The following SORBS2 variants were observed in gnomAD, a reference collection of about 807,000 sequenced individuals.
SORBS2 encodes sorbin and SH3 domain-containing protein 2.
SORBS2 carries 46 observed loss-of-function variants against 97.7 expected under a neutral mutation model. The observed-to-expected ratio is 0.47, with a 90% CI of 0.37 to 0.60. The LOEUF is 0.60. SORBS2 is among the 20% of genes least tolerant of loss of function. SORBS2 has a pLI of 0.00. For synonymous variants in SORBS2, 476 were observed against 473.4 expected (o/e 1.01, Z -0.07); for missense variants, 1,316 against 1,282.3 (o/e 1.03, Z -0.40).
At chr4:185,740,958 A>C (rs2153584736) in intron 2 of SORBS2, among the ~76,000 whole-genome samples, 1 of 151,908 alleles carries the variant, frequency 6.6e-6, no homozygotes, top group East Asian at 1.9e-4. Context: ...GCCCAGCACC[A>C]ACTCAGATCA....
chr4:185,850,641 T>C (rs2099217327), intron 1 of SORBS2, among the ~76,000 whole-genome samples: 1 of 152,216 alleles, frequency 6.6e-6, no homozygotes, highest in Non-Finnish European at 1.5e-5. Context: ...GAAGTGTGTA[T>C]ATCATATGTT....
intron 1 of SORBS2, among the ~76,000 whole-genome samples, chr4:185,846,655 A>T (rs866712823): frequency 2.0e-5 from 3 of 152,244 alleles, no homozygotes; most frequent in Non-Finnish European, 4.4e-5. Flanking sequence ...GTAAAGCCTG[A>T]AGCGAGACTG....
chr4:185,721,724 G>A (rs952687817), intron 2 of SORBS2, among the ~76,000 whole-genome samples: 3 of 152,180 alleles, frequency 2.0e-5, no homozygotes, highest in African/African-American at 7.2e-5. Context: ...AGTGGCTTAT[G>A]TTTTGCACGC....
intron 4 of SORBS2, 65 bp from the exon 14 acceptor site, chr4:185,639,100 C>T (rs2097083255): frequency 7.1e-7 from 1 of 1,401,640 alleles, no homozygotes; most frequent in South Asian, 1.4e-5. Flanking sequence ...ACCGCGAGGA[C>T]ACCCTGGCAG....
upstream of SORBS2, chr4:185,661,954 A>G (rs1484666717): frequency 6.5e-6 from 5 of 770,166 alleles, no homozygotes; most frequent in Non-Finnish European, 1.0e-5. Context: ...ATTTCCTCCC[A>G]TGTTGGGTCC....
chr4:185,953,844 C>T (rs568819672), intron 1 of SORBS2, among the ~76,000 whole-genome samples: 13 of 152,356 alleles, frequency 8.5e-5, no homozygotes, highest in African/African-American at 3.1e-4. Context: ...CCAAGTAGGG[C>T]CAATCTCCCC....
chr4:185,780,556 C>T (rs2099023496), intron 1 of SORBS2, among the ~76,000 whole-genome samples: 1 of 152,176 alleles, frequency 6.6e-6, no homozygotes, highest in South Asian at 2.1e-4. Flanking sequence ...CACTTGTGTC[C>T]TGAAAGGCAG....
intron 1 of SORBS2, among the ~76,000 whole-genome samples, chr4:185,905,721 C>T (rs985512205): frequency 3.3e-5 from 5 of 152,134 alleles, no homozygotes; most frequent in African/African-American, 9.7e-5. Flanking sequence ...ACCTCAGCCT[C>T]CCAAAGCACT....
upstream of SORBS2, among the ~76,000 whole-genome samples, chr4:185,659,486 G>A (rs190235467): frequency 4.6e-5 from 7 of 151,820 alleles, no homozygotes; most frequent in African/African-American, 9.7e-5. Context: ...GCGCGATCTC[G>A]GCTCACTGCA....
chr4:185,853,629 T>C (rs2099219124), intron 1 of SORBS2, among the ~76,000 whole-genome samples: 1 of 152,240 alleles, frequency 6.6e-6, no homozygotes, highest in Non-Finnish European at 1.5e-5. Flanking sequence ...CAAACTTTGT[T>C]TCTCTATATT....
chr4:185,923,472 A>ATTTTTTTTTT lies in SORBS2; in HGVS notation c.-338+32714_-338+32723dup, dbSNP rs535695706. 6.0e-4 allele frequency among the ~76,000 whole-genome samples: 66 copies of ATTTTTTTTTT among 110,478 alleles called. 6 individuals are homozygous for ATTTTTTTTTT. The highest frequency in any genetic ancestry group is 5.0e-4 in the Non-Finnish European group (28 of 55,806). The allele number at this position is 110,478 out of a possible 152,430, so 72.5% of individuals were successfully genotyped here. ...TGCTTGGCTAAGTTTCTTTTTTTTA[A>ATTTTTTTTTT]TTTTTTTTTTTTGTAGAGACAGGAC... is the stretch of plus-strand genomic sequence containing the variant. On this transcript the variant is annotated intron_variant, in intron 1 of 20. Transcript: ENST00000284776.
At chr4:185,745,422 C>T (rs573202733) in intron 2 of SORBS2, among the ~76,000 whole-genome samples, 5 of 152,260 alleles carry the variant, frequency 3.3e-5, no homozygotes, top group Non-Finnish European at 5.9e-5. Flanking sequence ...GCTTCACTTG[C>T]GTTAAGAATT....
At chr4:185,858,728 G>A (rs919074884) in intron 1 of SORBS2, among the ~76,000 whole-genome samples, 8 of 152,124 alleles carry the variant, frequency 5.3e-5, no homozygotes, top group South Asian at 4.1e-4. Flanking sequence ...AACTGAACAC[G>A]TTTTAACTAA....
rs781284015 is a variant in SORBS2, at chr4:185,623,949, G to A, written c.1180C>T (p.Leu394=). Residue 394 remains leucine, a synonymous_variant, in exon 7 of 15, where the codon CTG becomes TTG. Transcript: ENST00000418609. This position sits in a 1 kb window ranked among gnomAD's most constrained non-coding sequence, Gnocchi z 6.4. ...GTGGAGCACTGGCTCCAGGCGCGCAGCAGGTCCTTGTGCTGCTGCTCGCTC... is the reference window on the plus strand; with the variant it reads ...GTGGAGCACTGGCTCCAGGCGCGCAACAGGTCCTTGTGCTGCTGCTCGCTC... The A allele has an allele frequency of 6.2e-7, 1 of 1,614,232 alleles. No individual in the cohort carries two copies. The highest frequency in any genetic ancestry group is 2.2e-5 in the East Asian group (1 of 44,868).
intron 1 of SORBS2, among the ~76,000 whole-genome samples, chr4:185,802,471 C>T (rs1585075056): frequency 6.6e-6 from 1 of 152,170 alleles, no homozygotes; most frequent in East Asian, 1.9e-4. Context: ...AAGTTGTACC[C>T]AGAACTTAGG....
chr4:185,802,315 G>T (rs1486235258), intron 1 of SORBS2, among the ~76,000 whole-genome samples: 56 of 152,106 alleles, frequency 3.7e-4, no homozygotes, highest in Non-Finnish European at 7.4e-5. Flanking sequence ...TCTTTCAATG[G>T]CTTCCTGGCT....
intron 1 of SORBS2, among the ~76,000 whole-genome samples, chr4:185,850,042 T>G (rs1445159497): frequency 6.6e-6 from 1 of 152,222 alleles, no homozygotes; most frequent in African/African-American, 2.4e-5. Flanking sequence ...TCTTCAGGCC[T>G]GTGCAGATAC....
At chr4:185,825,949 T>C (rs2099199538) in intron 1 of SORBS2, among the ~76,000 whole-genome samples, 1 of 152,194 alleles carries the variant, frequency 6.6e-6, no homozygotes, top group Non-Finnish European at 1.5e-5. Flanking sequence ...CTGAAACTCC[T>C]ACAAAGTGAA....
intron 1 of SORBS2, among the ~76,000 whole-genome samples, chr4:185,818,032 A>C (rs1353161687): frequency 1.3e-5 from 2 of 152,212 alleles, no homozygotes; most frequent in African/African-American, 4.8e-5. Context: ...TCCGCACTGG[A>C]AATAGTAGAT....
Sources: allele counts gnomAD v4.1 joint callset (sites outside exome capture counted in the v4.1 genomes callset), GRCh38; gene constraint gnomAD v4.1.1; non-coding constraint Gnocchi (gnomAD v3.1); transcripts MANE v1.5; gene names NCBI Gene and HGNC (gene_info 2026-07-23, HGNC 2026-07-21).